The following ACOX1 variants were observed in gnomAD, a reference collection of about 807,000 sequenced individuals.
ACOX1 encodes the protein peroxisomal acyl-coenzyme A oxidase 1.
A neutral mutation model predicts 75.5 loss-of-function variants in ACOX1; 41 were observed. The ratio of observed to expected loss-of-function variants is 0.54; its 90% CI spans 0.42 to 0.70. The LOEUF (loss-of-function observed/expected upper bound fraction) is 0.70, where lower values mean the gene tolerates loss of function less well. ACOX1 is among the 30% of genes least tolerant of loss of function. ACOX1 has a pLI of 0.00. For synonymous variants in ACOX1, 303 were observed against 298.8 expected (o/e 1.01, Z -0.15); for missense variants, 630 against 837.5 (o/e 0.75, Z 3.06).
chr17:75,958,418 C>T (rs2065854079), intron 3 of ACOX1, among the ~76,000 whole-genome samples: 1 of 147,378 alleles, frequency 6.8e-6, no homozygotes, highest in East Asian at 1.9e-4. Flanking sequence ...CCTGTAATCC[C>T]AGCACTTTGG....
At position 75,944,158 on chromosome 17, in the gene ACOX1, C is replaced by T. The variant is rs1178354438; in HGVS notation, c.*2590G>A. 2 of 152,128 alleles carry T rather than the reference C, an allele frequency of 1.3e-5. No homozygotes were observed. The highest frequency in any genetic ancestry group is 6.6e-5 in the Admixed American group (1 of 15,246). The allele number at this position is 152,128 out of a possible 1,614,324, so 9.4% of individuals were successfully genotyped here. On this transcript the variant is annotated 3_prime_UTR_variant, in exon 14 of 14. Coordinates refer to ENST00000293217, the MANE Select transcript of ACOX1 (RefSeq NM_004035.7). The stretch of plus-strand genomic sequence containing the variant: ...CTGAGGAGGGAGGACCATTTGAACC[C>T]GGGAGGCAGAGGTCACAGTAAGCCA...
intron 6 of ACOX1, among the ~76,000 whole-genome samples, chr17:75,954,568 C>CTTT (rs778030630): frequency 3.1e-4 from 36 of 115,650 alleles, no homozygotes; most frequent in Non-Finnish European, 3.6e-4. Flanking sequence ...TTATTAGCTC[C>CTTT]TTTTTTTTTT....
intron 8 of ACOX1, among the ~76,000 whole-genome samples, chr17:75,951,194 T>C (rs572167920): frequency 1.6e-4 from 24 of 152,306 alleles, no homozygotes; most frequent in African/African-American, 5.5e-4. Flanking sequence ...ATTTCCTTGA[T>C]TGACAAATAA....
chr17:75,976,142 C>T (rs1680209468), intron 2 of ACOX1, among the ~76,000 whole-genome samples: 1 of 152,180 alleles, frequency 6.6e-6, no homozygotes, highest in African/African-American at 2.4e-5. Flanking sequence ...TTACAAACCC[C>T]TTCTCTTACT....
Position 75,979,034 on chromosome 17 carries a change from A to C in ACOX1, c.40T>G (p.Phe14Val). 1 of 1,612,504 alleles carries C rather than the reference A, an allele frequency of 6.2e-7. No homozygotes were observed. Residue 14 changes from phenylalanine (F) to valine (V), a missense_variant, in exon 1 of 14, where the codon TTC (phenylalanine) becomes GTC (valine). This residue lies in a region of ACOX1 where 390 missense variants were observed against 574.9 expected (regional missense o/e 0.68). Coordinates refer to ENST00000293217, the MANE Select transcript of ACOX1 (RefSeq NM_004035.7). ...ATGTGTGTAAGCAGCTCCGGGTTGA[A>C]GCTGGCGGAATCCCGCTCCCTGCGC... ...DLRRERDSAS[F>V]NPELLTHILD... is the part of the protein sequence containing the mutation.
intron 7 of ACOX1, among the ~76,000 whole-genome samples, chr17:75,952,280 T>C (rs2065781480): frequency 6.6e-6 from 1 of 152,094 alleles, no homozygotes; most frequent in African/African-American, 2.4e-5. Flanking sequence ...AATTCCTTTA[T>C]TCCTTTTTAA....
At chr17:75,974,758 C>A (rs995908072) in intron 2 of ACOX1, among the ~76,000 whole-genome samples, 1 of 151,970 alleles carries the variant, frequency 6.6e-6, no homozygotes, top group Non-Finnish European at 1.5e-5. Flanking sequence ...AGTAGCCGGG[C>A]GCGGTGGCTC....
chr17:75,974,146 G>GT (rs56119306), intron 2 of ACOX1, among the ~76,000 whole-genome samples: 5,587 of 141,996 alleles, frequency 0.039, 166 homozygotes, highest in East Asian at 0.13. Context: ...AATGTGTGTG[G>GT]TTTTTTTTTT....
At chr17:75,973,899 C>T (rs556865156) in intron 2 of ACOX1, 19 of 1,008,784 alleles carry the variant, frequency 1.9e-5, no homozygotes, top group African/African-American at 3.3e-5. Context: ...ATGTAAACCC[C>T]CTTCTTATGA....
chr17:75,946,809 A>T lies in ACOX1; in HGVS notation c.1936-14T>A, dbSNP rs921771033. 1.9e-6 allele frequency: 3 copies of T among 1,612,466 alleles called. No individual in the cohort carries two copies. Among genetic ancestry groups the T allele is most frequent in the Non-Finnish European group, 2.5e-6 (3 of 1,178,592 alleles). ...AGATTCGTGGACCTGTGGGGAAAGG[A>T]GAGAGAAGAACTACTAATAAAGAGT... is the stretch of plus-strand genomic sequence containing the variant. On this transcript the variant is annotated splice_polypyrimidine_tract_variant and intron_variant, in intron 13 of 13. Coordinates refer to ENST00000293217, the MANE Select transcript of ACOX1 (RefSeq NM_004035.7).
Position 75,946,094 on chromosome 17 carries a change from T to C in ACOX1, c.*654A>G, listed in dbSNP as rs1057921. The C allele has an allele frequency of 7.5e-3, 1,162 of 154,382 alleles. 13 individuals are homozygous for C. Among genetic ancestry groups the C allele is most frequent in the African/African-American group, 0.026 (1,088 of 41,552 alleles). 9.6% of individuals were successfully genotyped at this position (154,382 alleles called of 1,614,324 possible). A position where few individuals can be genotyped will look rare whatever the true frequency, so the allele number is the denominator to read the frequency against. On this transcript the variant is annotated 3_prime_UTR_variant, in exon 14 of 14. Transcript: ENST00000293217. ...AATCCTTCAAATGGAAAATTCCTAA[T>C]TACACGAGACAATGGTCCTACAGTA...
rs1260558402 is a variant in ACOX1 at position 75,978,327 on chromosome 17, T to C, written c.269+207A>G. The C allele has an allele frequency of 1.1e-5, 6 of 527,142 alleles. No individual in the cohort carries two copies. Among genetic ancestry groups the C allele is most frequent in the African/African-American group, 9.6e-5 (5 of 52,274 alleles). The allele number at this position is 527,142 out of a possible 1,614,324, so 32.7% of individuals were successfully genotyped here. On this transcript the variant is annotated intron_variant, in intron 2 of 13. Coordinates refer to ENST00000293217, the MANE Select transcript of ACOX1 (RefSeq NM_004035.7). This position sits in a 1 kb window ranked among gnomAD's most constrained non-coding sequence, Gnocchi z 4.2. Reference sequence around the variant, plus strand: ...CCAGAATGGTCTCGATCTCCTGACTTGGTGATCCGCCCGCCTCGGCCTCCC... The same window carrying C: ...CCAGAATGGTCTCGATCTCCTGACTCGGTGATCCGCCCGCCTCGGCCTCCC...
chr17:75,953,341 A>T, intron 7 of ACOX1, 110 bp downstream of exon 7: 1 of 1,280,284 alleles, frequency 7.8e-7, no homozygotes. Flanking sequence ...CACCCTAGCC[A>T]ATTTTGCAGT....
At chr17:75,956,965 CTCTCTCTATATATATATATATA>C (rs1567877999) in intron 4 of ACOX1, among the ~76,000 whole-genome samples, 337 of 14,326 alleles carry the variant, frequency 0.024, 5 homozygotes, top group Non-Finnish European at 0.029. Flanking sequence ...CTCTCTCTCT[CTCTCTCTATATATATATATATA>C]TATATATATA....
chr17:75,971,122 T>C (rs559012582), intron 2 of ACOX1, among the ~76,000 whole-genome samples: 1 of 151,708 alleles, frequency 6.6e-6, no homozygotes, highest in East Asian at 2.0e-4. Context: ...AGAAACCCCG[T>C]CTCTACTGAA....
intron 4 of ACOX1, 150 bp from the exon 5 acceptor site, chr17:75,956,097 T>C: frequency 1.0e-6 from 1 of 993,020 alleles, no homozygotes; most frequent in Non-Finnish European, 1.5e-6. Flanking sequence ...GCATCACACC[T>C]AGCTTTCAGA....
At chr17:75,952,261 C>T (rs528634359) in intron 7 of ACOX1, among the ~76,000 whole-genome samples, 1 of 152,190 alleles carries the variant, frequency 6.6e-6, no homozygotes, top group South Asian at 2.1e-4. Flanking sequence ...GCAAGGGTCT[C>T]ATTGTATCAA....
intron 3 of ACOX1, among the ~76,000 whole-genome samples, chr17:75,958,569 G>GGGGCCAA (rs1219733651): frequency 6.6e-6 from 1 of 151,272 alleles, no homozygotes; most frequent in Non-Finnish European, 1.5e-5. Context: ...AGCACTTTGG[G>GGGGCCAA]GGGCCAAGGC....
intron 2 of ACOX1, among the ~76,000 whole-genome samples, chr17:75,968,977 G>C (rs945930872): frequency 6.6e-6 from 1 of 151,824 alleles, no homozygotes; most frequent in South Asian, 2.1e-4. Context: ...AAGTGACCAC[G>C]TTGATGGAGC....
Sources: gnomAD v4.1 joint callset for allele counts (sites outside exome capture counted in the v4.1 genomes callset) on GRCh38, gnomAD v4.1.1 for gene constraint, gnomAD v4.1.1 regional missense constraint, Gnocchi (gnomAD v3.1) non-coding constraint, MANE v1.5 for transcripts, NCBI Gene and HGNC (gene_info 2026-07-23, HGNC 2026-07-21) for gene names.